The following STK33 variants were observed in gnomAD, a reference collection of about 807,000 sequenced individuals.
STK33 encodes the protein serine/threonine-protein kinase 33.
In STK33, 52 loss-of-function variants were observed where a neutral mutation model predicts 58.0. The observed-to-expected ratio is 0.90, with a 90% CI of 0.72 to 1.13. The LOEUF (loss-of-function observed/expected upper bound fraction) is 1.13. STK33 is among the 50% of genes most tolerant of loss of function. STK33 has a pLI of 0.00. For missense variants in STK33, 630 were observed against 604.2 expected, an observed-to-expected ratio of 1.04 and a Z score of -0.45; for synonymous variants, 215 against 200.1, an observed-to-expected ratio of 1.07 and a Z score of -0.63.
chr11:8,400,239 A>G (rs536331493), intron 15 of STK33, among the ~76,000 whole-genome samples: 13 of 152,342 alleles, frequency 8.5e-5, no homozygotes, highest in African/African-American at 2.9e-4. Context: ...TGGCAAACAG[A>G]ATCCAGCAGC....
chr11:8,588,690 T>C (rs2032112233), intron 1 of STK33, among the ~76,000 whole-genome samples: 1 of 152,174 alleles, frequency 6.6e-6, no homozygotes, highest in African/African-American at 2.4e-5. Context: ...TTAAAAATTT[T>C]TGTGCTTCAA....
chr11:8,527,728 G>A lies in STK33; in HGVS notation c.-465-47114C>T, dbSNP rs577178175. On this transcript the variant is annotated intron_variant, in intron 1 of 15. Transcript: ENST00000687296. ...TAAGAAGAAGTTTCCATAGACATGA[G>A]GCATAGAGAAGAAACAGTAAAATCA... Among the ~76,000 whole-genome samples the A allele has an allele frequency of 1.4e-4, 22 of 152,204 alleles. 1 individual carries two copies. The South Asian group carries it at 4.1e-3, about 29-fold the overall frequency.
At chr11:8,570,270 T>C (rs1014760801) in intron 1 of STK33, among the ~76,000 whole-genome samples, 8 of 152,060 alleles carry the variant, frequency 5.3e-5, no homozygotes, top group African/African-American at 1.9e-4. Flanking sequence ...AAACCAAATA[T>C]TAGGGAAGGA....
chr11:8,525,275 A>T (rs1953929207), intron 1 of STK33, among the ~76,000 whole-genome samples: 1 of 152,232 alleles, frequency 6.6e-6, no homozygotes, highest in African/African-American at 2.4e-5. Context: ...CAAAATGTAT[A>T]TGGTAATGCA....
At position 8,392,585 on chromosome 11, in the gene STK33, C is replaced by T. The variant is rs769366653; in HGVS notation, c.1470G>A (p.Val490=). The T allele has an allele frequency of 2.5e-6, 4 of 1,614,190 alleles. No homozygotes were observed. The highest frequency in any genetic ancestry group is 3.4e-6 in the Non-Finnish European group (4 of 1,180,040). The change falls in exon 16 of 16, where the codon GTG becomes GTA. Residue 490 remains valine, a synonymous_variant. Transcript: ENST00000687296. ...TGGTTGCTGTTCCTTGGCTTGGAGT[C>T]ACAGGGGTTTTCTCCATTTCTCCCT... ...EIKGEMEKTP[V]TPSQGTATKY... is the part of the protein sequence containing the mutation.
chr11:8,388,431 G>T (rs983320357), downstream of STK33, among the ~76,000 whole-genome samples: 8 of 152,258 alleles, frequency 5.3e-5, no homozygotes, highest in Non-Finnish European at 8.8e-5. Context: ...TCACCAATGA[G>T]AATTAAGTGA....
chr11:8,393,524 A>C (rs1848858412), intron 15 of STK33, among the ~76,000 whole-genome samples: 1 of 152,150 alleles, frequency 6.6e-6, no homozygotes, highest in African/African-American at 2.4e-5. Context: ...ATAGAGTTCT[A>C]AAAGAGTAGA....
intron 14 of STK33, among the ~76,000 whole-genome samples, chr11:8,423,661 C>T (rs966922967): frequency 2.6e-5 from 4 of 152,056 alleles, no homozygotes; most frequent in Non-Finnish European, 5.9e-5. Context: ...AAATATTCCA[C>T]ATGTGCTTGA....
the STK33 span, among the ~76,000 whole-genome samples, chr11:8,362,437 C>T: frequency 4.6e-5 from 7 of 152,282 alleles, no homozygotes; most frequent in East Asian, 1.9e-4. Flanking sequence ...CACGGCTCCC[C>T]GTGACCTTAT....
At position 8,435,512 on chromosome 11, in the gene STK33, T is replaced by C. The variant is rs777666159; in HGVS notation, c.1128A>G (p.Leu376=). The part of the protein sequence containing the change: ...PAHRITAKEL[L]DNQWLTGNKL... ...AACTTACTGTTAACCACTGGTTATC[T>C]AGTAGTTCCTTAGCTGTGATTCTGT... The change falls in exon 14 of 16, where the codon CTA becomes CTG. Residue 376 remains leucine, a synonymous_variant. Coordinates refer to ENST00000687296, the MANE Select transcript of STK33 (RefSeq NM_001352389.2). 3 of 1,485,452 alleles carry C rather than the reference T, an allele frequency of 2.0e-6. No individual in the cohort carries two copies. Among genetic ancestry groups the C allele is most frequent in the Admixed American group, 1.9e-5 (1 of 51,504 alleles). 92.0% of individuals were successfully genotyped at this position (1,485,452 alleles called of 1,614,324 possible).
chr11:8,588,552 TAAGA>T (rs1344247367), intron 1 of STK33, among the ~76,000 whole-genome samples: 17 of 152,170 alleles, frequency 1.1e-4, no homozygotes, highest in Non-Finnish European at 2.4e-4. Flanking sequence ...AATCTAAATA[TAAGA>T]GCTAAAATTA....
At chr11:8,529,184 CAAT>C (rs1302209126) in intron 1 of STK33, among the ~76,000 whole-genome samples, 1 of 152,146 alleles carries the variant, frequency 6.6e-6, no homozygotes, top group Admixed American at 6.6e-5. Flanking sequence ...ATCTATTCAT[CAAT>C]AATATTTACA....
At chr11:8,591,829 C>T (rs2032647191) in intron 1 of STK33, among the ~76,000 whole-genome samples, 1 of 130,870 alleles carries the variant, frequency 7.6e-6, no homozygotes, top group African/African-American at 2.8e-5. Flanking sequence ...ACACCAGGGA[C>T]TGTTGTGGGG....
chr11:8,494,760 G>C, intron 1 of STK33, among the ~76,000 whole-genome samples: 1 of 152,110 alleles, frequency 6.6e-6, no homozygotes, highest in East Asian at 1.9e-4. Context: ...TAGATCAATG[G>C]AACAGAACAG....
At chr11:8,358,980 G>A in the STK33 span, among the ~76,000 whole-genome samples, 33 of 152,198 alleles carry the variant, frequency 2.2e-4, no homozygotes, top group Non-Finnish European at 1.3e-4. Context: ...AGAAGCGCGG[G>A]GATGAGCCCA....
intron 1 of STK33, among the ~76,000 whole-genome samples, chr11:8,537,827 A>T (rs1006733996): frequency 5.3e-5 from 8 of 150,600 alleles, no homozygotes; most frequent in South Asian, 2.1e-4. Flanking sequence ...AAAAAAAATT[A>T]AAAAAATAAT....
intron 1 of STK33, among the ~76,000 whole-genome samples, chr11:8,562,858 T>C (rs974719647): frequency 6.6e-6 from 1 of 152,214 alleles, no homozygotes; most frequent in African/African-American, 2.4e-5. Flanking sequence ...ACAGAAATAG[T>C]TCCTACCCTC....
intron 1 of STK33, among the ~76,000 whole-genome samples, chr11:8,483,109 A>G (rs1949951641): frequency 6.6e-6 from 1 of 152,194 alleles, no homozygotes; most frequent in Non-Finnish European, 1.5e-5. Context: ...TGTCTGACAC[A>G]TATTATTGCT....
At chr11:8,569,633 A>G (rs113956695) in intron 1 of STK33, among the ~76,000 whole-genome samples, 13 of 152,174 alleles carry the variant, frequency 8.5e-5, no homozygotes, top group Non-Finnish European at 8.8e-5. Context: ...AAAATGTAAG[A>G]CTTCTACTCC....
Sources: gnomAD v4.1 joint callset for allele counts (sites outside exome capture counted in the v4.1 genomes callset) on GRCh38, gnomAD v4.1.1 for gene constraint, MANE v1.5 for transcripts, NCBI Gene and HGNC (gene_info 2026-07-23, HGNC 2026-07-21) for gene names.